VWF: variants seen among roughly 807,000 people sequenced by gnomAD.
The protein encoded by VWF is von Willebrand factor.
VWF carries 176 observed loss-of-function variants against 308.6 expected under a neutral mutation model. The ratio of observed to expected loss-of-function variants is 0.57; its 90% CI spans 0.50 to 0.65. The LOEUF is 0.65. Among genes scored for constraint, VWF ranks in the 30% least tolerant of loss-of-function variants. The pLI is 0.00. For missense variants in VWF, 3,146 were observed against 3,648.2 expected (o/e 0.86, Z 3.55); for synonymous variants, 1,385 against 1,443.4 (o/e 0.96, Z 0.92).
chr12:6,035,565 G>A (rs1944326639), intron 19 of VWF, among the ~76,000 whole-genome samples: 1 of 152,148 alleles, frequency 6.6e-6, no homozygotes, highest in East Asian at 1.9e-4. Flanking sequence ...TGAGCAGGGT[G>A]AGGGGTTACG....
intron 34 of VWF, among the ~76,000 whole-genome samples, chr12:5,999,839 A>T (rs1171203080): frequency 6.6e-6 from 1 of 151,940 alleles, no homozygotes; most frequent in East Asian, 1.9e-4. Flanking sequence ...TAAAAATAGA[A>T]CTCAGTGAAC....
intron 6 of VWF, among the ~76,000 whole-genome samples, chr12:6,079,052 G>A (rs762423168): frequency 2.8e-4 from 43 of 152,172 alleles, no homozygotes; most frequent in Non-Finnish European, 5.3e-4. Flanking sequence ...ATCTGCCTAG[G>A]GTTTCTTTCT....
intron 34 of VWF, among the ~76,000 whole-genome samples, chr12:6,001,012 G>A (rs1943867506): frequency 6.6e-6 from 1 of 152,086 alleles, no homozygotes; most frequent in Non-Finnish European, 1.5e-5. Context: ...TCGACAATGG[G>A]AGGAGAGGGG....
At chr12:6,100,345 G>A (rs2136506591) in intron 5 of VWF, among the ~76,000 whole-genome samples, 1 of 147,998 alleles carries the variant, frequency 6.8e-6, no homozygotes, top group South Asian at 2.1e-4. Context: ...GATTCCTCAG[G>A]GATCTAGAAC....
intron 6 of VWF, among the ~76,000 whole-genome samples, chr12:6,076,476 T>G (rs896078068): frequency 2.0e-5 from 3 of 152,228 alleles, no homozygotes; most frequent in African/African-American, 7.2e-5. Context: ...CCATGATGTC[T>G]TTCTTAGCTT....
chr12:5,961,970 A>G (rs1015893004), intron 47 of VWF, among the ~76,000 whole-genome samples: 9 of 152,170 alleles, frequency 5.9e-5, no homozygotes, highest in Admixed American at 3.9e-4. Flanking sequence ...TTTAAAAAAA[A>G]AAAAAGTCAA....
At chr12:6,100,625 A>T (rs1945152299) in intron 5 of VWF, among the ~76,000 whole-genome samples, 1 of 152,204 alleles carries the variant, frequency 6.6e-6, no homozygotes. Context: ...CATCATTCTC[A>T]GTAAACTATT....
chr12:5,959,438 T>C (rs1436723537), intron 47 of VWF, among the ~76,000 whole-genome samples: 3 of 152,100 alleles, frequency 2.0e-5, no homozygotes, highest in Non-Finnish European at 4.4e-5. Context: ...AATGAAGATA[T>C]AGAGGATTTG....
rs1944163765 is a variant in VWF, at chr12:6,024,018, G to A, written c.3223-231C>T. ...AATAATGCAGTGCTGCTGGCCTTCT[G>A]CAGAACACAATGAGCCTGAGGATTT... On this transcript the variant is annotated intron_variant, in intron 24 of 51. Coordinates refer to ENST00000261405, the MANE Select transcript of VWF (RefSeq NM_000552.5). This position sits in a 1 kb window ranked among gnomAD's most constrained non-coding sequence, Gnocchi z 4.0. Among the ~76,000 whole-genome samples the A allele has an allele frequency of 6.6e-6, 1 of 152,240 alleles. No individual in the cohort carries two copies. The highest frequency in any genetic ancestry group is 2.1e-4 in the South Asian group (1 of 4,836).
At chr12:5,959,414 G>A (rs1943286339) in intron 47 of VWF, among the ~76,000 whole-genome samples, 1 of 152,084 alleles carries the variant, frequency 6.6e-6, no homozygotes, top group Non-Finnish European at 1.5e-5. Context: ...ATAAAAACAA[G>A]TAGGAAAAAG....
Position 6,063,487 on chromosome 12 carries a change from G to A in VWF, c.1433-433C>T, listed in dbSNP as rs1944679195. ...TACGACACTGAATACAGCAATTGTT[G>A]CTTCTGTGGGAAGGTGGCGACAGAT... On this transcript the variant is annotated intron_variant, in intron 12 of 51. Transcript: ENST00000261405. This position sits in a 1 kb window ranked among gnomAD's most constrained non-coding sequence, Gnocchi z 4.9. Among the ~76,000 whole-genome samples the A allele has an allele frequency of 6.6e-6, 1 of 152,184 alleles. No individual in the cohort carries two copies. Among genetic ancestry groups the A allele is most frequent in the Non-Finnish European group, 1.5e-5 (1 of 68,036 alleles).
rs1402882339 is a variant in VWF, at chr12:6,046,384, T to G, written c.2281+339A>C. Among the ~76,000 whole-genome samples, 2 of 152,224 alleles carry G rather than the reference T, an allele frequency of 1.3e-5. No individual in the cohort carries two copies. The highest frequency in any genetic ancestry group is 2.9e-5 in the Non-Finnish European group (2 of 68,032). On this transcript the variant is annotated intron_variant, in intron 17 of 51. Coordinates refer to ENST00000261405, the MANE Select transcript of VWF (RefSeq NM_000552.5). The surrounding 1 kb of genome is among the most constrained non-coding windows in gnomAD (Gnocchi z 5.0). ...CAAGAGGCCATCAAAGAAGGGTGAC[T>G]GTCATCACAATCAAGGCCACCAACT...
In VWF at chr12:6,056,238, T is replaced by C. The variant is rs536139375; in HGVS notation, c.1945+619A>G. On this transcript the variant is annotated intron_variant, in intron 15 of 51. Transcript: ENST00000261405. ...CATCATCACTGTTGCCCGACCACACTGGGCATGCAGCAAATGTCCCCAGAG... is the reference window on the plus strand; with the variant it reads ...CATCATCACTGTTGCCCGACCACACCGGGCATGCAGCAAATGTCCCCAGAG... Among the ~76,000 whole-genome samples the C allele has an allele frequency of 5.7e-4, 63 of 110,244 alleles. 1 individual carries two copies. The East Asian group carries it at 8.9e-3, about 16-fold the overall frequency. The allele number at this position is 110,244 out of a possible 152,430, so 72.3% of individuals were successfully genotyped here.
At chr12:5,981,331 C>T (rs1295436298) in intron 42 of VWF, among the ~76,000 whole-genome samples, 4 of 152,180 alleles carry the variant, frequency 2.6e-5, no homozygotes, top group Non-Finnish European at 5.9e-5. Context: ...GAGTCCAAGA[C>T]CAGCCTAGGC....
intron 3 of VWF, among the ~76,000 whole-genome samples, chr12:6,116,768 T>G (rs1430391250): frequency 6.6e-6 from 1 of 152,238 alleles, no homozygotes; most frequent in African/African-American, 2.4e-5. Flanking sequence ...GGGCCTCGCC[T>G]TGGCACCAGG....
intron 3 of VWF, among the ~76,000 whole-genome samples, chr12:6,118,550 C>T (rs1948453586): frequency 6.6e-6 from 1 of 151,954 alleles, no homozygotes; most frequent in African/African-American, 2.4e-5. Context: ...CAACGCCTGG[C>T]TAATTTTTGT....
intron 35 of VWF, among the ~76,000 whole-genome samples, chr12:5,995,681 G>T (rs1214742776): frequency 4.6e-5 from 7 of 152,150 alleles, no homozygotes; most frequent in African/African-American, 1.4e-4. Context: ...TTAGGCATTG[G>T]ACTCATAATA....
chr12:6,112,707 T>C (rs76608032), intron 3 of VWF, among the ~76,000 whole-genome samples: 3,953 of 152,024 alleles, frequency 0.026, 162 homozygotes, highest in African/African-American at 0.078. Flanking sequence ...GGTGTTGCTG[T>C]CATGGCCAGA....
intron 34 of VWF, among the ~76,000 whole-genome samples, chr12:6,000,753 A>G (rs1309257082): frequency 7.2e-6 from 1 of 139,344 alleles, no homozygotes; most frequent in Non-Finnish European, 1.5e-5. Flanking sequence ...CGGAGCTTGC[A>G]GTGAGCCGAG....
Sources: allele counts gnomAD v4.1 joint callset (sites outside exome capture counted in the v4.1 genomes callset), GRCh38; gene constraint gnomAD v4.1.1; non-coding constraint Gnocchi (gnomAD v3.1); transcripts MANE v1.5; gene names NCBI Gene and HGNC (gene_info 2026-07-23, HGNC 2026-07-21).